The following CDK10 variants were observed in gnomAD, a reference collection of about 807,000 sequenced individuals.
CDK10 encodes the protein cyclin-dependent kinase 10.
CDK10 carries 55 observed loss-of-function variants against 51.0 expected under a neutral mutation model. That is an observed-to-expected ratio of 1.08 (90% CI 0.87 to 1.35). The LOEUF (loss-of-function observed/expected upper bound fraction) is 1.35. Among genes scored for constraint, CDK10 ranks in the 40% most tolerant of loss-of-function variants. The pLI, the probability that CDK10 is intolerant of heterozygous loss-of-function variation, is 0.00. For synonymous variants in CDK10, 255 were observed against 199.1 expected, an observed-to-expected ratio of 1.28 and a Z score of -2.36; for missense variants, 589 against 485.1, an observed-to-expected ratio of 1.21 and a Z score of -2.01.
rs773086679 is a variant in CDK10, at chr16:89,686,699, C to T, written c.-12C>T. ...GCGCCTGCGCGCAAGAGAGGCGGGG[C>T]CAGCGCTCGGCATGGCGGAGCCAGA... On this transcript the variant is annotated 5_prime_UTR_variant, in exon 1 of 13. Coordinates refer to ENST00000353379, the MANE Select transcript of CDK10 (RefSeq NM_052988.5). The T allele has an allele frequency of 4.5e-6, 7 of 1,555,276 alleles. No individual in the cohort carries two copies. Among genetic ancestry groups the T allele is most frequent in the Admixed American group, 3.8e-5 (2 of 53,314 alleles).
intron 2 of CDK10, 37 bp downstream of exon 2, chr16:89,689,361 G>A (rs372025397): frequency 2.5e-5 from 40 of 1,585,258 alleles, no homozygotes; most frequent in Middle Eastern, 1.7e-4. Context: ...GCCGCAGCTC[G>A]TGGCTGTGAC....
Position 89,686,694 on chromosome 16 carries a change from C to G in CDK10, c.-17C>G, listed in dbSNP as rs761621981. 7.7e-6 allele frequency: 12 copies of G among 1,567,100 alleles called. No individual in the cohort carries two copies. Among genetic ancestry groups the G allele is most frequent in the Non-Finnish European group, 1.0e-5 (12 of 1,157,100 alleles). ...CGTCTGCGCCTGCGCGCAAGAGAGG[C>G]GGGGCCAGCGCTCGGCATGGCGGAG... On this transcript the variant is annotated 5_prime_UTR_variant, in exon 1 of 13. Transcript: ENST00000353379.
chr16:89,687,233 G>A, intron 1 of CDK10: 1 of 332,322 alleles, frequency 3.0e-6, no homozygotes, highest in Non-Finnish European at 6.1e-6. Context: ...GCGCTGCCTG[G>A]CGGCTTCACG....
chr16:89,692,407 C>A, intron 5 of CDK10, 42 bp from the exon 6 acceptor site: 5 of 1,473,526 alleles, frequency 3.4e-6, no homozygotes, highest in Non-Finnish European at 3.6e-6. Context: ...CTGGGCTTCC[C>A]TGCAGGCTCA....
chr16:89,690,722 A>G, intron 3 of CDK10, 98 bp downstream of exon 3: 2 of 1,082,180 alleles, frequency 1.8e-6, no homozygotes, highest in Non-Finnish European at 2.9e-6. Flanking sequence ...CGGTGCTTGT[A>G]GCGGGGGCCG....
At position 89,691,564 on chromosome 16, in the gene CDK10, TGCAC is replaced by T. The variant is rs747098145; in HGVS notation, c.335+20_335+23del. ...TGGAGAGGTACGTGGTCTCCTGGTCTGCACATTGGGCCCTAGGGAGCATGTGTCT... is the reference window on the plus strand; with the variant it reads ...TGGAGAGGTACGTGGTCTCCTGGTCTATTGGGCCCTAGGGAGCATGTGTCT... On this transcript the variant is annotated intron_variant, in intron 4 of 12. Transcript: ENST00000353379. The T allele has an allele frequency of 6.3e-7, 1 of 1,588,924 alleles. No homozygotes were observed. The highest frequency in any genetic ancestry group is 2.2e-5 in the East Asian group (1 of 44,734).
Position 89,696,115 on chromosome 16 carries a change from C to G in CDK10, c.*423C>G, listed in dbSNP as rs2060709296. 2.3e-6 allele frequency: 1 copy of G among 438,488 alleles called. No homozygotes were observed. The highest frequency in any genetic ancestry group is 6.7e-4 in the Middle Eastern group (1 of 1,492). The allele number at this position is 438,488 out of a possible 1,614,324, so 27.2% of individuals were successfully genotyped here. A position where few individuals can be genotyped will look rare whatever the true frequency, so the allele number is the denominator to read the frequency against. ...TCCCCTCTCAGTCGCCCGGGGCTGTCCCGTGCATGGGTTGGCTGTGGGGAC... is the reference window on the plus strand; with the variant it reads ...TCCCCTCTCAGTCGCCCGGGGCTGTGCCGTGCATGGGTTGGCTGTGGGGAC... On this transcript the variant is annotated 3_prime_UTR_variant, in exon 13 of 13. Coordinates refer to ENST00000353379, the MANE Select transcript of CDK10 (RefSeq NM_052988.5).
intron 8 of CDK10, 180 bp from the exon 9 acceptor site, chr16:89,693,993 C>T: frequency 1.5e-6 from 1 of 651,006 alleles, no homozygotes; most frequent in Non-Finnish European, 2.8e-6. Flanking sequence ...CGTGACAGCT[C>T]TCGCCCCCGG....
At chr16:89,686,888 C>G in intron 1 of CDK10, 91 bp downstream of exon 1, 1 of 1,120,618 alleles carries the variant, frequency 8.9e-7, no homozygotes, top group Non-Finnish European at 1.3e-6. Context: ...GCTGCCGCGC[C>G]GAGGCTTCCG....
chr16:89,689,856 A>T (rs1217815936), intron 2 of CDK10: 3 of 154,098 alleles, frequency 1.9e-5, no homozygotes, highest in Admixed American at 1.9e-4. Flanking sequence ...GCTAATTTTT[A>T]AATTTTTGGT....
intron 1 of CDK10, chr16:89,687,931 A>C (rs950827126): frequency 3.7e-6 from 1 of 272,058 alleles, no homozygotes; most frequent in Non-Finnish European, 7.4e-6. Flanking sequence ...ACTGAGGACA[A>C]ATGCGGCCAG....
intron 10 of CDK10, 60 bp downstream of exon 10, chr16:89,694,848 CCCCCGCCCGTG>C: frequency 5.3e-6 from 8 of 1,512,754 alleles, no homozygotes; most frequent in Middle Eastern, 4.2e-4. Context: ...GCGCCCGCAG[CCCCCGCCCGTG>C]CCCACGCCCT....
In CDK10 at chr16:89,693,272, A is replaced by C; in HGVS notation, c.486-2A>C. The C allele has an allele frequency of 6.2e-7, 1 of 1,614,086 alleles. No homozygotes were observed. Among genetic ancestry groups the C allele is most frequent in the Non-Finnish European group, 8.5e-7 (1 of 1,180,010 alleles). On this transcript the variant is annotated splice_acceptor_variant, in intron 6 of 12. Coordinates refer to ENST00000353379, the MANE Select transcript of CDK10 (RefSeq NM_052988.5). LOFTEE classifies it high-confidence loss of function. ...CCACCTGCCACTGTTTTTCCATCACAGGGACCTGAAGGTTTCCAACTTGCT... is the reference window on the plus strand; with the variant it reads ...CCACCTGCCACTGTTTTTCCATCACCGGGACCTGAAGGTTTCCAACTTGCT...
chr16:89,694,546 C>T, intron 9 of CDK10, 119 bp from the exon 10 acceptor site: 1 of 1,500,622 alleles, frequency 6.7e-7, no homozygotes, highest in Non-Finnish European at 9.0e-7. Flanking sequence ...GTGTCCCTGA[C>T]CCAGCGTGCC....
intron 9 of CDK10, 67 bp from the exon 10 acceptor site, chr16:89,694,598 C>T (rs1323117557): frequency 1.3e-6 from 2 of 1,547,654 alleles, no homozygotes; most frequent in East Asian, 4.8e-5. Flanking sequence ...GCAGTCAGGT[C>T]CTCTGTTCCT....
At chr16:89,692,364 C>T in intron 5 of CDK10, 85 bp from the exon 6 acceptor site, 1 of 1,036,426 alleles carries the variant, frequency 9.6e-7, no homozygotes, top group Non-Finnish European at 1.4e-6. Context: ...GACTGCTAGT[C>T]CTGCTGGCCA....
intron 1 of CDK10, chr16:89,687,905 G>A (rs1567509661): frequency 3.3e-6 from 1 of 306,484 alleles, no homozygotes; most frequent in Non-Finnish European, 6.6e-6. Context: ...GTCCCCAGGT[G>A]TCAGGAAGGA....
Position 89,689,225 on chromosome 16 carries a change from C to T in CDK10, c.88-27C>T, listed in dbSNP as rs187101063. On this transcript the variant is annotated intron_variant, in intron 1 of 12. Transcript: ENST00000353379. Reference sequence around the variant, plus strand: ...GTTGTTCCATCAGCTGCCAAATTTCCACACTGGCAACACCCTTCTGTTTCA... The same window carrying T: ...GTTGTTCCATCAGCTGCCAAATTTCTACACTGGCAACACCCTTCTGTTTCA... 290 of 1,611,640 alleles carry T rather than the reference C, an allele frequency of 1.8e-4. 1 individual carries two copies. The African/African-American group carries it at 3.5e-3, about 19-fold the overall frequency.
At position 89,695,787 on chromosome 16, in the gene CDK10, G is replaced by T. The variant is rs2060698083; in HGVS notation, c.*95G>T. The T allele has an allele frequency of 6.4e-7, 1 of 1,574,198 alleles. No individual in the cohort carries two copies. Among genetic ancestry groups the T allele is most frequent in the East Asian group, 2.3e-5 (1 of 43,450 alleles). ...GCGAGCCAGGCTGACCAGGCGCCCG[G>T]GATCCAGCTCATCCCCTTGGCTGGG... is the stretch of plus-strand genomic sequence containing the variant. On this transcript the variant is annotated 3_prime_UTR_variant, in exon 13 of 13. Coordinates refer to ENST00000353379, the MANE Select transcript of CDK10 (RefSeq NM_052988.5).
Sources: allele counts gnomAD v4.1 joint callset, GRCh38; gene constraint gnomAD v4.1.1; transcripts MANE v1.5; gene names NCBI Gene and HGNC (gene_info 2026-07-23, HGNC 2026-07-21).